ARRDC5: variants seen among roughly 807,000 people sequenced by gnomAD.
ARRDC5 encodes the protein arrestin domain-containing protein 5.
ARRDC5 carries 12 observed loss-of-function variants against 13.3 expected under a neutral mutation model. The ratio of observed to expected loss-of-function variants is 0.90; its 90% CI spans 0.58 to 1.46. The LOEUF (loss-of-function observed/expected upper bound fraction) is 1.46. ARRDC5 is among the 40% of genes most tolerant of loss of function. ARRDC5 has a pLI of 0.00. For missense variants in ARRDC5, 406 were observed against 418.7 expected, an observed-to-expected ratio of 0.97 and a Z score of 0.26; for synonymous variants, 181 against 173.4, an observed-to-expected ratio of 1.04 and a Z score of -0.34.
intron 1 of ARRDC5, among the ~76,000 whole-genome samples, chr19:4,900,069 T>C (rs1397329234): frequency 1.3e-5 from 2 of 150,520 alleles, no homozygotes; most frequent in East Asian, 3.9e-4. Flanking sequence ...CCGTCTCCCT[T>C]GGCCTCCCAA....
the ARRDC5 span, chr19:4,909,776 A>G: frequency 2.2e-6 from 1 of 461,988 alleles, no homozygotes; most frequent in Non-Finnish European, 3.8e-6. Context: ...CTGTCCCGGG[A>G]TCCAGGGCCT....
the ARRDC5 span, among the ~76,000 whole-genome samples, chr19:4,912,437 C>T: frequency 1.3e-5 from 2 of 152,196 alleles, no homozygotes; most frequent in Non-Finnish European, 2.9e-5. Flanking sequence ...GTTGGACTCT[C>T]ATGCTCCCAA....
intron 2 of ARRDC5, among the ~76,000 whole-genome samples, chr19:4,892,766 T>C (rs891667954): frequency 2.0e-5 from 3 of 152,110 alleles, no homozygotes; most frequent in African/African-American, 7.2e-5. Flanking sequence ...AAAAAAGTGG[T>C]TGCAACCTGC....
chr19:4,894,692 A>G (rs963337736), intron 2 of ARRDC5, among the ~76,000 whole-genome samples: 4 of 138,288 alleles, frequency 2.9e-5, no homozygotes, highest in Non-Finnish European at 6.3e-5. Context: ...AAAAAAAAAA[A>G]AAAGAAGAAG....
At chr19:4,899,650 C>G (rs2031847199) in intron 1 of ARRDC5, among the ~76,000 whole-genome samples, 1 of 141,202 alleles carries the variant, frequency 7.1e-6, no homozygotes, top group African/African-American at 2.7e-5. Context: ...GAACTAGCGG[C>G]CGGGCGCGGT....
chr19:4,892,341 G>T (rs12971641), intron 2 of ARRDC5, among the ~76,000 whole-genome samples: 1 of 151,308 alleles, frequency 6.6e-6, no homozygotes, highest in Non-Finnish European at 1.5e-5. Context: ...CGCCTGCCTC[G>T]GCCTACCAAA....
the ARRDC5 span, among the ~76,000 whole-genome samples, chr19:4,912,199 C>G: frequency 6.6e-6 from 1 of 152,170 alleles, no homozygotes; most frequent in Non-Finnish European, 1.5e-5. Context: ...GGGGAGTTGA[C>G]GGTGCAAGCC....
intron 2 of ARRDC5, among the ~76,000 whole-genome samples, chr19:4,896,256 A>C (rs559936166): frequency 7.6e-6 from 1 of 131,570 alleles, no homozygotes; most frequent in South Asian, 2.8e-4. Flanking sequence ...CGGAGGTTAC[A>C]GTGAGCCGAG....
At chr19:4,914,833 C>T in the ARRDC5 span, among the ~76,000 whole-genome samples, 21 of 152,246 alleles carry the variant, frequency 1.4e-4, no homozygotes, top group African/African-American at 3.4e-4. Flanking sequence ...CACGCTGCAG[C>T]GCAGTGCGAA....
chr19:4,902,928 C>T, upstream of ARRDC5: 8 of 1,566,596 alleles, frequency 5.1e-6, no homozygotes, highest in Non-Finnish European at 6.1e-6. Context: ...CATCACTCAG[C>T]TCAGAGTTCC....
Position 4,896,716 on chromosome 19 carries a change from T to C in ARRDC5, c.414A>G (p.Leu138=). Residue 138 remains leucine (L), a synonymous_variant, in exon 2 of 3, where the codon TTA becomes TTG. Transcript: ENST00000650722. ...EHILAKKRMY[L]LVQGTSTFHK... is the part of the protein sequence containing the mutation. ...GGAAGGTGGAAGTTCCTTGAACCAA[T>C]AAGTACATCCTCTTCTTGGCTAAAA... The C allele has an allele frequency of 6.2e-7, 1 of 1,613,670 alleles. No individual in the cohort carries two copies. The highest frequency in any genetic ancestry group is 8.5e-7 in the Non-Finnish European group (1 of 1,179,710).
upstream of ARRDC5, among the ~76,000 whole-genome samples, chr19:4,905,105 T>C (rs575311377): frequency 1.6e-4 from 23 of 145,254 alleles, no homozygotes; most frequent in Non-Finnish European, 2.6e-4. Context: ...ATTCGTAAAC[T>C]TTCTTTTTTT....
Position 4,890,719 on chromosome 19 carries a change from A to C in ARRDC5, c.*327T>G. 2 of 301,720 alleles carry C rather than the reference A, an allele frequency of 6.6e-6. No individual in the cohort carries two copies. The highest frequency in any genetic ancestry group is 6.3e-6 in the Non-Finnish European group (1 of 159,496). 18.7% of individuals were successfully genotyped at this position (301,720 alleles called of 1,614,324 possible). On this transcript the variant is annotated 3_prime_UTR_variant, in exon 3 of 3. Coordinates refer to ENST00000650722, the MANE Select transcript of ARRDC5 (RefSeq NM_001080523.3). ...GTTGTGACAGCCAATACAACCAGAC[A>C]TTAGCAGAGGGGAGAATTCTCCCCA...
intron 2 of ARRDC5, among the ~76,000 whole-genome samples, chr19:4,893,928 G>A (rs534227064): frequency 3.7e-4 from 55 of 148,740 alleles, no homozygotes; most frequent in African/African-American, 1.4e-3. Context: ...GGCACCTGTA[G>A]TCCCAGCTAC....
intron 2 of ARRDC5, among the ~76,000 whole-genome samples, chr19:4,895,176 C>G (rs1282703456): frequency 6.6e-6 from 1 of 151,738 alleles, no homozygotes; most frequent in Non-Finnish European, 1.5e-5. Flanking sequence ...AATCCCAGCA[C>G]TTTGGGAGGC....
At chr19:4,900,214 C>A (rs1185435673) in intron 1 of ARRDC5, among the ~76,000 whole-genome samples, 1 of 126,976 alleles carries the variant, frequency 7.9e-6, no homozygotes, top group South Asian at 2.6e-4. Flanking sequence ...GTGGCGTGAT[C>A]TCGGCTCACC....
At chr19:4,909,581 A>G in the ARRDC5 span, 3 of 653,438 alleles carry the variant, frequency 4.6e-6, no homozygotes, top group African/African-American at 1.9e-5. Flanking sequence ...GGTCCGGGCC[A>G]CGCACGCGGT....
rs372471289 is a variant in ARRDC5, at chr19:4,891,293, C to T, written c.740G>A (p.Arg247His). The part of the protein sequence containing the change: ...LRQEANTPVT[R>H]FNTTKVVSTF... Reference sequence around the variant, plus strand: ...GCTGACAACCTTGGTGGTGTTGAAGCGGGTCACGGGGGTGTTGGCCTCCTG... The same window carrying T: ...GCTGACAACCTTGGTGGTGTTGAAGTGGGTCACGGGGGTGTTGGCCTCCTG... Residue 247 changes from arginine (R) to histidine (H), a missense_variant, in exon 3 of 3, where the codon CGC becomes CAC. Coordinates refer to ENST00000650722, the MANE Select transcript of ARRDC5 (RefSeq NM_001080523.3). 6.3e-5 allele frequency: 102 copies of T among 1,613,774 alleles called. No homozygotes were observed. The African/African-American group carries it at 8.1e-4, about 13-fold the overall frequency.
At chr19:4,912,820 C>A in the ARRDC5 span, among the ~76,000 whole-genome samples, 2 of 152,094 alleles carry the variant, frequency 1.3e-5, no homozygotes, top group African/African-American at 4.8e-5. Context: ...GTTGCAGTGG[C>A]ACGATCACAG....
Sources: allele counts gnomAD v4.1 joint callset (sites outside exome capture counted in the v4.1 genomes callset), GRCh38; gene constraint gnomAD v4.1.1; transcripts MANE v1.5; gene names NCBI Gene and HGNC (gene_info 2026-07-23, HGNC 2026-07-21).